Variants in PLEKHH1 observed in about 807,000 individuals in gnomAD.
The protein encoded by PLEKHH1 is pleckstrin homology domain-containing family H member 1.
Under a neutral mutation model 160.0 loss-of-function variants are expected in PLEKHH1, and 104 were observed. That is an observed-to-expected ratio of 0.65 (90% CI 0.55 to 0.76). The LOEUF (loss-of-function observed/expected upper bound fraction) is 0.76. PLEKHH1 is among the 30% of genes least tolerant of loss of function. PLEKHH1 has a pLI of 0.00. For missense variants in PLEKHH1, 1,427 were observed against 1,724.1 expected, an observed-to-expected ratio of 0.83 and a Z score of 3.05; for synonymous variants, 619 against 678.4, an observed-to-expected ratio of 0.91 and a Z score of 1.36.
At chr14:67,559,496 C>A in intron 4 of PLEKHH1, 112 bp from the exon 5 acceptor site, 1 of 680,974 alleles carries the variant, frequency 1.5e-6, no homozygotes, top group Non-Finnish European at 2.7e-6. Context: ...TGCTCACTGG[C>A]TTTGCGAGGT....
At chr14:67,583,598 C>T (rs1478463005) in intron 24 of PLEKHH1, 143 bp from the exon 25 acceptor site, 5 of 567,456 alleles carry the variant, frequency 8.8e-6, no homozygotes, top group Admixed American at 3.4e-5. Flanking sequence ...TGAGATGAAG[C>T]GTTTTTCTAA....
chr14:67,579,463 G>T, intron 21 of PLEKHH1, 152 bp downstream of exon 21: 2 of 718,244 alleles, frequency 2.8e-6, no homozygotes, highest in Non-Finnish European at 4.4e-6. Context: ...AAGCTGAGAT[G>T]CTGACCAAGA....
rs1447143580 is a variant in PLEKHH1 at position 67,569,935 on chromosome 14, G to T, written c.1357G>T (p.Ala453Ser). The change falls in exon 9 of 29, where the codon GCC (alanine) becomes TCC (serine). Residue 453 changes from alanine to serine, a missense_variant. By Grantham distance (99) the Ala-to-Ser change is moderately conservative (BLOSUM62 1). Coordinates refer to ENST00000329153, the MANE Select transcript of PLEKHH1 (RefSeq NM_020715.3). ...TCCCTGCTCAGCTTCAAGCCCTCCT[G>T]CCCTTGTTTCCCCTGGGTCTTTCTC... ...NTACCASSPP[A>S]LVSPGSFSGL... is the part of the protein sequence containing the mutation. The T allele has an allele frequency of 6.2e-7, 1 of 1,608,258 alleles. No individual in the cohort carries two copies. Among genetic ancestry groups the T allele is most frequent in the Non-Finnish European group, 8.5e-7 (1 of 1,176,554 alleles).
Position 67,576,682 on chromosome 14 carries a change from T to TGACC in PLEKHH1, c.2461+180_2461+183dup, listed in dbSNP as rs978083409. 7.2e-5 allele frequency among the ~76,000 whole-genome samples: 11 copies of TGACC among 152,158 alleles called. No homozygotes were observed. The highest frequency in any genetic ancestry group is 2.4e-5 in the African/African-American group (1 of 41,438). ...TCTGTCTCCGGCTGAGATACTAAGG[T>TGACC]GACCACTCTGCATCTGGGGGAGTTT... On this transcript the variant is annotated intron_variant, in intron 17 of 28. Transcript: ENST00000329153. The surrounding 1 kb of genome is among the most constrained non-coding windows in gnomAD (Gnocchi z 4.0).
Position 67,574,862 on chromosome 14 carries a change from T to G in PLEKHH1, c.2088+459T>G, listed in dbSNP as rs2035551280. Among the ~76,000 whole-genome samples, 1 of 152,178 alleles carries G rather than the reference T, an allele frequency of 6.6e-6. No homozygotes were observed. The highest frequency in any genetic ancestry group is 1.5e-5 in the Non-Finnish European group (1 of 68,028). On this transcript the variant is annotated intron_variant, in intron 14 of 28. Transcript: ENST00000329153. The surrounding 1 kb of genome is among the most constrained non-coding windows in gnomAD (Gnocchi z 4.2). ...GTTGTTAAACCCAAGAAAATGGAAG[T>G]TAACAAGGAAGTACATTAGCTAGAC...
chr14:67,577,319 C>A lies in PLEKHH1; in HGVS notation c.2479C>A (p.His827Asn). ...EGDPDSPLWRHPMLCYSKDGL... is the reference protein window; with the variant it reads ...EGDPDSPLWRNPMLCYSKDGL... ...TTGGGCAGATTCGCCGCTCTGGAGG[C>A]ACCCCATGCTGTGCTACAGCAAAGA... The change falls in exon 18 of 29, where the codon CAC becomes AAC. Residue 827 changes from histidine to asparagine, a missense_variant. Physicochemically the swap from His to Asn is moderately conservative, Grantham distance 68. Around this residue, in one of 6 missense-constraint regions of PLEKHH1, gnomAD observed 436 missense variants for 607.5 expected, o/e 0.72. Transcript: ENST00000329153. The A allele has an allele frequency of 6.4e-7, 1 of 1,572,194 alleles. No homozygotes were observed. Among genetic ancestry groups the A allele is most frequent in the Non-Finnish European group, 8.6e-7 (1 of 1,159,332 alleles).
intron 2 of PLEKHH1, among the ~76,000 whole-genome samples, chr14:67,547,381 A>C (rs572283792): frequency 6.6e-6 from 1 of 152,362 alleles, no homozygotes; most frequent in Non-Finnish European, 1.5e-5. Flanking sequence ...CCAGTAAGAC[A>C]GGTCCAGCAA....
Position 67,578,742 on chromosome 14 carries a change from C to A in PLEKHH1, c.2849+111C>A. On this transcript the variant is annotated intron_variant, in intron 20 of 28. Coordinates refer to ENST00000329153, the MANE Select transcript of PLEKHH1 (RefSeq NM_020715.3). This position sits in a 1 kb window ranked among gnomAD's most constrained non-coding sequence, Gnocchi z 5.0. ...CCAGATCACTCCTGTCCTCTGAAAC[C>A]GCTCAGTGGTCGTGGAGACTTCACC... 2.7e-6 allele frequency: 2 copies of A among 743,596 alleles called. No homozygotes were observed. The highest frequency in any genetic ancestry group is 2.7e-5 in the East Asian group (1 of 37,014). The allele number at this position is 743,596 out of a possible 1,614,324, so 46.1% of individuals were successfully genotyped here. A position where few individuals can be genotyped will look rare whatever the true frequency, so the allele number is the denominator to read the frequency against.
intron 1 of PLEKHH1, among the ~76,000 whole-genome samples, chr14:67,536,814 A>G (rs1277926320): frequency 6.6e-6 from 1 of 151,872 alleles, no homozygotes; most frequent in Non-Finnish European, 1.5e-5. Flanking sequence ...AGGCCAAGGC[A>G]GGTGGATCAC....
chr14:67,569,286 A>G, intron 8 of PLEKHH1, 70 bp downstream of exon 8: 1 of 1,128,052 alleles, frequency 8.9e-7, no homozygotes, highest in Non-Finnish European at 1.3e-6. Flanking sequence ...GGGGAGGAGA[A>G]GACTCCAAGC....
At chr14:67,564,975 G>A (rs1181973098) in intron 7 of PLEKHH1, among the ~76,000 whole-genome samples, 6 of 152,158 alleles carry the variant, frequency 3.9e-5, no homozygotes, top group Non-Finnish European at 8.8e-5. Context: ...ACGGGTGTGA[G>A]CCACTGTGTC....
intron 2 of PLEKHH1, among the ~76,000 whole-genome samples, chr14:67,544,901 A>T (rs577330043): frequency 2.0e-5 from 3 of 152,338 alleles, no homozygotes; most frequent in African/African-American, 7.2e-5. Flanking sequence ...ATCAAGTAAG[A>T]TTCCATGAAA....
intron 2 of PLEKHH1, among the ~76,000 whole-genome samples, chr14:67,550,239 A>C (rs1321114004): frequency 1.3e-5 from 2 of 151,818 alleles, no homozygotes; most frequent in Non-Finnish European, 2.9e-5. Flanking sequence ...CCCAAGCTGG[A>C]GTGCAGTGGC....
chr14:67,563,788 C>A (rs1459854078), intron 7 of PLEKHH1, among the ~76,000 whole-genome samples: 1 of 145,038 alleles, frequency 6.9e-6, no homozygotes, highest in Non-Finnish European at 1.5e-5. Flanking sequence ...GGCTGAAGTG[C>A]AGTAGCACGG....
At position 67,573,329 on chromosome 14, in the gene PLEKHH1, G is replaced by T. The variant is rs772325314; in HGVS notation, c.1782G>T (p.Thr594=). Residue 594 remains threonine, a synonymous_variant, in exon 12 of 29, where the codon ACG becomes ACT. Transcript: ENST00000329153. This position sits in a 1 kb window ranked among gnomAD's most constrained non-coding sequence, Gnocchi z 4.8. The part of the protein sequence containing the change: ...YLLKMGSQVK[T]WKRRWFVLRQ... ...TGAAAATGGGGAGCCAGGTGAAGAC[G>T]TGGAAGAGGCGCTGGTTTGTCCTGA... 1.2e-6 allele frequency: 2 copies of T among 1,613,800 alleles called. No homozygotes were observed. Among genetic ancestry groups the T allele is most frequent in the Admixed American group, 3.3e-5 (2 of 60,030 alleles).
chr14:67,571,749 CAG>C lies in PLEKHH1; in HGVS notation c.1437_1438del, dbSNP rs1485636550. ...TGCAGTGAGGGAGGGGCCTGTCTTG[CAG>C]AGAGCTACACAGATCAGCAACATGC... On this transcript the variant is annotated splice_acceptor_variant, in intron 9 of 28. Coordinates refer to ENST00000329153, the MANE Select transcript of PLEKHH1 (RefSeq NM_020715.3). LOFTEE classifies it high-confidence loss of function. The C allele has an allele frequency of 1.9e-6, 3 of 1,612,140 alleles. No homozygotes were observed.
chr14:67,579,852 G>A lies in PLEKHH1; in HGVS notation c.3159G>A (p.Glu1053=), dbSNP rs1186047873. The A allele has an allele frequency of 1.2e-6, 2 of 1,604,080 alleles. No homozygotes were observed. Among genetic ancestry groups the A allele is most frequent in the Admixed American group, 3.4e-5 (2 of 58,838 alleles). Reference sequence around the variant, plus strand: ...ACGATCCCTCGGGCAGGGACCTGGAGCACTGCCTGCAGGGAAGTGTCAAGG... The same window carrying A: ...ACGATCCCTCGGGCAGGGACCTGGAACACTGCCTGCAGGGAAGTGTCAAGG... ...FTDDPSGRDL[E]HCLQGSVKIC... The change falls in exon 22 of 29, where the codon GAG becomes GAA. Residue 1053 remains glutamate (E), a synonymous_variant. Transcript: ENST00000329153.
In PLEKHH1 at chr14:67,546,442, C is replaced by T. The variant is rs570913644; in HGVS notation, c.126+4449C>T. ...TTGAGACAAAGTTTCTCTCTTGTTGCCCCGGCTGGAGTGCAGTGGCCCATT... is the reference window on the plus strand; with the variant it reads ...TTGAGACAAAGTTTCTCTCTTGTTGTCCCGGCTGGAGTGCAGTGGCCCATT... On this transcript the variant is annotated intron_variant, in intron 2 of 28. Transcript: ENST00000329153. Among the ~76,000 whole-genome samples the T allele has an allele frequency of 2.5e-4, 38 of 152,224 alleles. 2 individuals carry two copies. The South Asian group carries it at 6.8e-3, about 27-fold the overall frequency.
chr14:67,584,809 G>A (rs1032559569), intron 26 of PLEKHH1, among the ~76,000 whole-genome samples: 2 of 152,058 alleles, frequency 1.3e-5, no homozygotes, highest in Admixed American at 6.6e-5. Context: ...TCAAATAATC[G>A]TATTCATTTT....
Sources: allele counts gnomAD v4.1 joint callset (sites outside exome capture counted in the v4.1 genomes callset), GRCh38; gene constraint gnomAD v4.1.1; regional missense constraint gnomAD v4.1.1; non-coding constraint Gnocchi (gnomAD v3.1); transcripts MANE v1.5; gene names NCBI Gene and HGNC (gene_info 2026-07-23, HGNC 2026-07-21).